Variants in MAP3K11 observed in about 807,000 individuals in gnomAD.
MAP3K11 encodes mitogen-activated protein kinase kinase kinase 11.
Under a neutral mutation model 84.9 loss-of-function variants are expected in MAP3K11, and 46 were observed. The observed-to-expected ratio is 0.54, with a 90% CI of 0.43 to 0.69. MAP3K11 has a LOEUF of 0.69. Among genes scored for constraint, MAP3K11 ranks in the 30% least tolerant of loss-of-function variants. The pLI is 0.00. For synonymous variants in MAP3K11, 527 were observed against 514.7 expected (o/e 1.02, Z -0.32); for missense variants, 1,053 against 1,198.3 (o/e 0.88, Z 1.79).
chr11:65,606,403 A>G lies in MAP3K11; in HGVS notation c.1603+288T>C, dbSNP rs549976878. The G allele has an allele frequency of 9.4e-6, 4 of 423,332 alleles. No individual in the cohort carries two copies. The South Asian group carries it at 2.1e-4, about 22-fold the overall frequency. 26.2% of individuals were successfully genotyped at this position (423,332 alleles called of 1,614,324 possible). On this transcript the variant is annotated intron_variant, in intron 6 of 9. Coordinates refer to ENST00000309100, the MANE Select transcript of MAP3K11 (RefSeq NM_002419.4). ...CACTTTTCTCATCCATAAAACTTAA[A>G]TTAACAACAAAAATAACTACCAAAT...
Position 65,605,771 on chromosome 11 carries a change from T to C in MAP3K11, c.1821A>G (p.Pro607=). The change falls in exon 8 of 10, where the codon CCA becomes CCG. Residue 607 remains proline (P), a synonymous_variant. Coordinates refer to ENST00000309100, the MANE Select transcript of MAP3K11 (RefSeq NM_002419.4). ...AGGAAGGCCACTCACCATTGAGTGC[T>C]GGGGGTGTGGAAGGAGATCCTAAGG... The part of the protein sequence containing the change: ...SSPLGSPSTP[P]ALNGNPPRPS... The C allele has an allele frequency of 1.2e-6, 2 of 1,609,232 alleles. No individual in the cohort carries two copies. The highest frequency in any genetic ancestry group is 1.7e-6 in the Non-Finnish European group (2 of 1,177,874).
intron 8 of MAP3K11, 114 bp from the exon 9 acceptor site, chr11:65,599,882 T>C (rs1435743546): frequency 8.6e-7 from 1 of 1,162,692 alleles, no homozygotes; most frequent in Non-Finnish European, 1.2e-6. Flanking sequence ...TACTAGCATC[T>C]TCCCTGGTCC....
chr11:65,610,272 C>T (rs550810243), intron 1 of MAP3K11: 2 of 152,350 alleles, frequency 1.3e-5, no homozygotes, highest in South Asian at 4.1e-4. Flanking sequence ...TCAAAATCTA[C>T]CCACTCCTCT....
At chr11:65,607,053 C>T (rs1854517277) in intron 5 of MAP3K11, 1 of 741,324 alleles carries the variant, frequency 1.3e-6, no homozygotes, top group Non-Finnish European at 2.0e-6. Flanking sequence ...TTCGTGAACC[C>T]CACCCCTTCC....
intron 8 of MAP3K11, among the ~76,000 whole-genome samples, chr11:65,603,271 C>G (rs765026571): frequency 6.6e-6 from 1 of 152,384 alleles, no homozygotes; most frequent in East Asian, 1.9e-4. Flanking sequence ...TGCCTCTAAG[C>G]TTCCTGGCAG....
chr11:65,612,010 C>T (rs1854575444), intron 1 of MAP3K11: 1 of 152,226 alleles, frequency 6.6e-6, no homozygotes. Context: ...TGTCCATGGT[C>T]AGCCCAGGCC....
chr11:65,605,608 G>T, intron 8 of MAP3K11, 153 bp downstream of exon 8: 1 of 577,440 alleles, frequency 1.7e-6, no homozygotes, highest in Non-Finnish European at 3.0e-6. Context: ...TTCCAGGATC[G>T]GCTCTGTCTT....
Position 65,606,794 on chromosome 11 carries a change from G to A in MAP3K11, c.1500C>T (p.His500=), listed in dbSNP as rs1416850685. 1 of 1,603,858 alleles carries A rather than the reference G, an allele frequency of 6.2e-7. No homozygotes were observed. The highest frequency in any genetic ancestry group is 1.3e-5 in the African/African-American group (1 of 74,422). The change falls in exon 6 of 10, where the codon CAC becomes CAT. Residue 500 remains histidine (H), a synonymous_variant. Coordinates refer to ENST00000309100, the MANE Select transcript of MAP3K11 (RefSeq NM_002419.4). ...CGGGTGAGGCCTGCACGGTGATGCGGTGCTTGAAGTCTGGGATTTGGGTTG... is the reference window on the plus strand; with the variant it reads ...CGGGTGAGGCCTGCACGGTGATGCGATGCTTGAAGTCTGGGATTTGGGTTG... ...ERISMPLDFK[H]RITVQASPGL...
intron 8 of MAP3K11, among the ~76,000 whole-genome samples, chr11:65,602,151 C>G (rs190434670): frequency 1.4e-5 from 2 of 145,756 alleles, no homozygotes; most frequent in Non-Finnish European, 3.0e-5. Context: ...TACAGTGAGC[C>G]GAGATCCCGC....
intron 8 of MAP3K11, among the ~76,000 whole-genome samples, chr11:65,600,877 A>G (rs1022045455): frequency 6.6e-6 from 1 of 152,152 alleles, no homozygotes; most frequent in Non-Finnish European, 1.5e-5. Context: ...GGGAAAAATG[A>G]GCTTCTACTA....
Position 65,599,718 on chromosome 11 carries a change from G to C in MAP3K11, c.1882C>G (p.Pro628Ala), listed in dbSNP as rs1414128469. 6 of 1,586,916 alleles carry C rather than the reference G, an allele frequency of 3.8e-6. No homozygotes were observed. The Admixed American group carries it at 8.7e-5, about 23-fold the overall frequency. Reference sequence around the variant, plus strand: ...CCAGAGCTGCTACCGCGCTCTGCGGGGACAGGCCTCTTGGGCTCCTCGGGC... The same window carrying C: ...CCAGAGCTGCTACCGCGCTCTGCGGCGACAGGCCTCTTGGGCTCCTCGGGC... Reference protein sequence around the residue: ...LEPEEPKRPVPAERGSSSGTP... With the variant: ...LEPEEPKRPVAAERGSSSGTP... Residue 628 changes from proline to alanine, a missense_variant, in exon 9 of 10, where the codon CCC (proline) becomes GCC (alanine). Pro to Ala is a conservative substitution (Grantham distance 27, BLOSUM62 -1). This residue lies in a region of MAP3K11 where 583 missense variants were observed against 566.6 expected (regional missense o/e 1.03). Coordinates refer to ENST00000309100, the MANE Select transcript of MAP3K11 (RefSeq NM_002419.4).
chr11:65,601,133 A>G (rs1425297780), intron 8 of MAP3K11, among the ~76,000 whole-genome samples: 1 of 152,124 alleles, frequency 6.6e-6, no homozygotes, highest in Non-Finnish European at 1.5e-5. Context: ...CCGCAGCCCC[A>G]GTCCTGAGAC....
chr11:65,601,846 C>T (rs975459338), intron 8 of MAP3K11, among the ~76,000 whole-genome samples: 9 of 151,320 alleles, frequency 5.9e-5, no homozygotes, highest in South Asian at 2.1e-4. Flanking sequence ...ACCCCCACTT[C>T]GCAGGTGAAG....
rs545865162 is a variant in MAP3K11 at position 65,607,942 on chromosome 11, G to A, written c.1049C>T (p.Pro350Leu). ...TLPIPSTCPE[P>L]FAQLMADCWA... Reference sequence around the variant, plus strand: ...CTTACCGGCCATAAGCTGTGCGAAGGGCTCGGGGCAGGTGGATGGGATGGG... The same window carrying A: ...CTTACCGGCCATAAGCTGTGCGAAGAGCTCGGGGCAGGTGGATGGGATGGG... The change falls in exon 3 of 10, where the codon CCC (proline) becomes CTC (leucine). Residue 350 changes from proline to leucine, a missense_variant. By Grantham distance (98) the Pro-to-Leu change is moderately conservative. Coordinates refer to ENST00000309100, the MANE Select transcript of MAP3K11 (RefSeq NM_002419.4). 3.1e-6 allele frequency: 5 copies of A among 1,614,122 alleles called. No homozygotes were observed. The highest frequency in any genetic ancestry group is 2.2e-5 in the East Asian group (1 of 44,876).
chr11:65,601,931 C>T (rs533311731), intron 8 of MAP3K11, among the ~76,000 whole-genome samples: 36 of 151,824 alleles, frequency 2.4e-4, no homozygotes, highest in Admixed American at 9.2e-4. Context: ...TGGCCGGGTG[C>T]GGTGGCTCAC....
chr11:65,606,036 CG>C lies in MAP3K11; in HGVS notation c.1648del (p.Arg550AspfsTer51), dbSNP rs2135368714. On this transcript the variant is annotated frameshift_variant, in exon 7 of 10. Coordinates refer to ENST00000309100, the MANE Select transcript of MAP3K11 (RefSeq NM_002419.4). LOFTEE classifies it high-confidence loss of function. The stretch of plus-strand genomic sequence containing the variant: ...TCCATTGCTTGAGTCCTCCAGACGT[CG>C]GGGGGACTGGCGGCCCCATGCCTGG... ...PGQAWGRQSP[R>X]RLEDSSNGER... 5.7e-6 allele frequency: 9 copies of C among 1,591,600 alleles called. No individual in the cohort carries two copies. The highest frequency in any genetic ancestry group is 5.5e-5 in the Admixed American group (3 of 54,866).
At chr11:65,601,698 G>C (rs962320482) in intron 8 of MAP3K11, among the ~76,000 whole-genome samples, 11 of 151,522 alleles carry the variant, frequency 7.3e-5, no homozygotes, top group Non-Finnish European at 1.2e-4. Context: ...GGAGCTTGCA[G>C]TGAGCCAAAA....
intron 5 of MAP3K11, 45 bp downstream of exon 5, chr11:65,607,225 C>A (rs747415433): frequency 3.2e-4 from 463 of 1,443,178 alleles, no homozygotes; most frequent in Non-Finnish European, 3.1e-4. Flanking sequence ...TCCACCCCCA[C>A]CCCCGCAGCC....
At chr11:65,606,113 T>C in intron 6 of MAP3K11, 32 bp from the exon 7 acceptor site, 1 of 1,546,082 alleles carries the variant, frequency 6.5e-7, no homozygotes, top group Non-Finnish European at 8.7e-7. Flanking sequence ...TCGGAGATAA[T>C]CTTTATTCTC....
Sources: allele counts gnomAD v4.1 joint callset (sites outside exome capture counted in the v4.1 genomes callset), GRCh38; gene constraint gnomAD v4.1.1; regional missense constraint gnomAD v4.1.1; transcripts MANE v1.5; gene names NCBI Gene and HGNC (gene_info 2026-07-23, HGNC 2026-07-21).